NEBL: variants seen among roughly 807,000 people sequenced by gnomAD.
NEBL encodes LIM and SH3 protein 2.
Under a neutral mutation model 140.2 loss-of-function variants are expected in NEBL, and 122 were observed. The observed-to-expected ratio is 0.87, with a 90% CI of 0.75 to 1.01. The LOEUF is 1.01. Among genes scored for constraint, NEBL ranks in the 50% least tolerant of loss-of-function variants. The pLI, the probability that NEBL is intolerant of heterozygous loss-of-function variation, is 0.00. For synonymous variants in NEBL, 436 were observed against 398.9 expected (o/e 1.09, Z -1.11); for missense variants, 1,365 against 1,231.3 (o/e 1.11, Z -1.62).
At chr10:21,161,659 C>T (rs1049828541) in intron 2 of NEBL, among the ~76,000 whole-genome samples, 1 of 152,114 alleles carries the variant, frequency 6.6e-6, no homozygotes, top group Non-Finnish European at 1.5e-5. Context: ...CAAACTATTT[C>T]TAATCTTCCC....
chr10:20,822,321 T>C (rs746357698), intron 19 of NEBL, among the ~76,000 whole-genome samples: 3 of 152,036 alleles, frequency 2.0e-5, no homozygotes, highest in Admixed American at 1.3e-4. Context: ...TTTTGTTTTG[T>C]AGACTAATAT....
At chr10:21,272,780 T>G (rs1473291664) in intron 1 of NEBL, among the ~76,000 whole-genome samples, 1 of 152,150 alleles carries the variant, frequency 6.6e-6, no homozygotes, top group Non-Finnish European at 1.5e-5. Flanking sequence ...GTGTCAACTG[T>G]GAATCATTAT....
chr10:20,909,972 G>C (rs1479388677), intron 4 of NEBL, among the ~76,000 whole-genome samples: 3 of 152,066 alleles, frequency 2.0e-5, no homozygotes, highest in African/African-American at 7.2e-5. Context: ...TATGTCCTTT[G>C]TATTTCACTG....
intron 2 of NEBL, among the ~76,000 whole-genome samples, chr10:21,166,523 C>A (rs1840786465): frequency 6.6e-6 from 1 of 152,176 alleles, no homozygotes; most frequent in African/African-American, 2.4e-5. Flanking sequence ...CCCACTCTTT[C>A]TTCACCCCTC....
At chr10:21,177,764 A>C (rs974042169), upstream of NEBL, among the ~76,000 whole-genome samples, 1 of 152,078 alleles carries the variant, frequency 6.6e-6, no homozygotes, top group African/African-American at 2.4e-5. Context: ...TCCTGACCTC[A>C]TGATCTGCCA....
chr10:20,865,154 C>T (rs574878200), intron 7 of NEBL, among the ~76,000 whole-genome samples: 16 of 152,214 alleles, frequency 1.1e-4, no homozygotes, highest in African/African-American at 3.4e-4. Flanking sequence ...GAATTTAAGG[C>T]CAGAATCTCA....
chr10:20,961,726 G>A, exon 4 of NEBL: 1 of 1,613,930 alleles, frequency 6.2e-7, no homozygotes, highest in Non-Finnish European at 8.5e-7. Flanking sequence ...GAGTGTCCGT[G>A]ACGATGCTGA....
At chr10:20,969,340 T>A (rs374011957) in intron 3 of NEBL, among the ~76,000 whole-genome samples, 2 of 151,918 alleles carry the variant, frequency 1.3e-5, no homozygotes, top group Admixed American at 1.3e-4. Context: ...AAAAATCATG[T>A]CCATAGATTT....
At chr10:20,821,512 C>T (rs1360252688) in intron 19 of NEBL, among the ~76,000 whole-genome samples, 1 of 152,064 alleles carries the variant, frequency 6.6e-6, no homozygotes, top group East Asian at 1.9e-4. Context: ...CAAATAACAC[C>T]TACAATGTTA....
At chr10:21,187,855 A>G (rs1448463763) in intron 3 of NEBL, among the ~76,000 whole-genome samples, 2 of 152,066 alleles carry the variant, frequency 1.3e-5, no homozygotes, top group African/African-American at 2.4e-5. Flanking sequence ...TTATTTCACA[A>G]TGGTTCCTTT....
chr10:20,787,149 TG>T (rs1464888045), intron 27 of NEBL, 52 bp downstream of exon 27: 13 of 1,307,942 alleles, frequency 9.9e-6, no homozygotes, highest in Admixed American at 5.5e-5. Context: ...TTTACATGCT[TG>T]AGGGGAAATG....
chr10:20,809,231 T>C lies in NEBL; in HGVS notation c.2612-572A>G, dbSNP rs554915202. Reference sequence around the variant, plus strand: ...CATAACTGTCAGAGAAAATTTGAAATGTCAAATCAAGCCATCATTCGTACC... The same window carrying C: ...CATAACTGTCAGAGAAAATTTGAAACGTCAAATCAAGCCATCATTCGTACC... On this transcript the variant is annotated intron_variant, in intron 25 of 27. Transcript: ENST00000377122. Among the ~76,000 whole-genome samples the C allele has an allele frequency of 4.6e-5, 7 of 152,302 alleles. No individual in the cohort carries two copies. The East Asian group carries it at 1.3e-3, about 29-fold the overall frequency.
rs1404410139 is a variant in NEBL, at chr10:20,889,893, G to C, written c.210C>G (p.Asp70Glu). Residue 70 changes from aspartate (D) to glutamate (E), a missense_variant, in exon 3 of 28, where the codon GAC becomes GAG. This residue lies in a region of NEBL where 1,323 missense variants were observed against 1,154.8 expected (regional missense o/e 1.15). Coordinates refer to ENST00000377122, the MANE Select transcript of NEBL (RefSeq NM_006393.3). ...TTTTTACATGGTTTAGCATAGGACTGTCAGTCACAAATGTACACTTATCCT... is the reference window on the plus strand; with the variant it reads ...TTTTTACATGGTTTAGCATAGGACTCTCAGTCACAAATGTACACTTATCCT... ...KSKDKCTFVT[D>E]SPMLNHVKNI... 1 of 1,612,898 alleles carries C rather than the reference G, an allele frequency of 6.2e-7. No individual in the cohort carries two copies. Among genetic ancestry groups the C allele is most frequent in the South Asian group, 1.1e-5 (1 of 90,944 alleles).
intron 2 of NEBL, among the ~76,000 whole-genome samples, chr10:21,031,848 T>C (rs1220043673): frequency 1.3e-5 from 2 of 152,244 alleles, no homozygotes; most frequent in Admixed American, 6.5e-5. Context: ...CTTCATGTTT[T>C]ATTCCCTATA....
chr10:20,963,311 A>C (rs1010675228), intron 3 of NEBL, among the ~76,000 whole-genome samples: 2 of 152,164 alleles, frequency 1.3e-5, no homozygotes, highest in Non-Finnish European at 2.9e-5. Context: ...TTTTGCTGGT[A>C]GTAAGCACTG....
intron 3 of NEBL, among the ~76,000 whole-genome samples, chr10:21,007,121 A>G (rs1487278699): frequency 6.6e-6 from 1 of 152,022 alleles, no homozygotes; most frequent in Non-Finnish European, 1.5e-5. Context: ...GAAAAAAAAA[A>G]CTGTTCACAG....
intron 2 of NEBL, among the ~76,000 whole-genome samples, chr10:21,082,952 G>T (rs574068618): frequency 6.6e-6 from 1 of 152,018 alleles, no homozygotes; most frequent in South Asian, 2.1e-4. Context: ...TTTAGAGACG[G>T]GGTTTCACCC....
At position 20,817,598 on chromosome 10, in the gene NEBL, A is replaced by G; in HGVS notation, c.2148+2T>C. The G allele has an allele frequency of 3.1e-6, 5 of 1,605,948 alleles. No individual in the cohort carries two copies. Among genetic ancestry groups the G allele is most frequent in the Non-Finnish European group, 4.3e-6 (5 of 1,172,564 alleles). ...AGAAAAAAGTTACTAAGATGATCAC[A>G]CATTGCTGATGTTTTTCTGGTTTTC... On this transcript the variant is annotated splice_donor_variant, in intron 21 of 27. Coordinates refer to ENST00000377122, the MANE Select transcript of NEBL (RefSeq NM_006393.3). LOFTEE classifies it high-confidence loss of function.
rs138843407 is a variant in NEBL, at chr10:20,816,058, G to C, written c.2149-341C>G. Among the ~76,000 whole-genome samples the C allele has an allele frequency of 2.6e-3, 390 of 152,306 alleles. 3 individuals are homozygous for C. Among genetic ancestry groups the C allele is most frequent in the African/African-American group, 8.9e-3 (370 of 41,560 alleles). On this transcript the variant is annotated intron_variant, in intron 21 of 27. Coordinates refer to ENST00000377122, the MANE Select transcript of NEBL (RefSeq NM_006393.3). ...GCTGGGATGACAATCCTGAGCCACA[G>C]TGCCTGGCTCACAGTATTTATTTTA...
Sources: allele counts gnomAD v4.1 joint callset (sites outside exome capture counted in the v4.1 genomes callset), GRCh38; gene constraint gnomAD v4.1.1; regional missense constraint gnomAD v4.1.1; transcripts MANE v1.5; gene names NCBI Gene and HGNC (gene_info 2026-07-23, HGNC 2026-07-21).